TUT4: variants seen among roughly 807,000 people sequenced by gnomAD.
TUT4 encodes the protein terminal uridylyl transferase 4.
TUT4 carries 36 observed loss-of-function variants against 192.2 expected under a neutral mutation model. The ratio of observed to expected loss-of-function variants is 0.19; its 90% CI spans 0.14 to 0.25. The LOEUF (loss-of-function observed/expected upper bound fraction) is 0.25. TUT4 is among the 10% of genes least tolerant of loss of function. The probability of loss-of-function intolerance (pLI) is 1.00; values close to 1 mark genes in which losing one functional copy is unlikely to be tolerated. For missense variants in TUT4, 1,493 were observed against 1,957.2 expected, an observed-to-expected ratio of 0.76 and a Z score of 4.47; for synonymous variants, 618 against 666.0, an observed-to-expected ratio of 0.93 and a Z score of 1.11.
intron 1 of TUT4, among the ~76,000 whole-genome samples, chr1:52,539,654 G>A (rs907646801): frequency 2.0e-5 from 3 of 152,112 alleles, no homozygotes; most frequent in Non-Finnish European, 1.5e-5. Context: ...ACTTTGGGAG[G>A]CCGAGGCGGC....
chr1:52,528,158 G>A (rs1682329022), intron 1 of TUT4, among the ~76,000 whole-genome samples: 1 of 149,910 alleles, frequency 6.7e-6, no homozygotes, highest in African/African-American at 2.5e-5. Flanking sequence ...CAGCCTGGGT[G>A]ACAGAGCAAG....
At chr1:52,543,015 A>G (rs1687137287) in intron 1 of TUT4, among the ~76,000 whole-genome samples, 2 of 152,124 alleles carry the variant, frequency 1.3e-5, no homozygotes, top group Non-Finnish European at 2.9e-5. Flanking sequence ...TCAGCCTCCC[A>G]AAGTGCTGGG....
chr1:52,547,880 G>C (rs1423845846), intron 1 of TUT4, among the ~76,000 whole-genome samples: 1 of 152,156 alleles, frequency 6.6e-6, no homozygotes, highest in East Asian at 1.9e-4. Flanking sequence ...TTGTTAATGG[G>C]AACTGGGTTT....
At chr1:52,496,111 T>G (rs753433904) in intron 5 of TUT4, among the ~76,000 whole-genome samples, 96 of 152,140 alleles carry the variant, frequency 6.3e-4, no homozygotes, top group Non-Finnish European at 1.2e-3. Flanking sequence ...TAAAAGGATC[T>G]CACCAGAGGC....
chr1:52,426,980 TAAC>T (rs1352830416), intron 28 of TUT4, among the ~76,000 whole-genome samples: 2 of 152,172 alleles, frequency 1.3e-5, no homozygotes, highest in African/African-American at 2.4e-5. Flanking sequence ...GTAGCTTTAA[TAAC>T]AATTATGAAT....
intron 1 of TUT4, among the ~76,000 whole-genome samples, chr1:52,535,460 C>T (rs1684654946): frequency 6.6e-6 from 1 of 152,146 alleles, no homozygotes; most frequent in Non-Finnish European, 1.5e-5. Context: ...ATTCAGAACA[C>T]TAAAATTCTT....
chr1:52,485,372 A>G (rs1000218100), intron 9 of TUT4, among the ~76,000 whole-genome samples: 1 of 152,130 alleles, frequency 6.6e-6, no homozygotes, highest in African/African-American at 2.4e-5. Flanking sequence ...GTTTTTTACT[A>G]GGGTTTTCTA....
chr1:52,443,590 C>CA (rs200186145), intron 24 of TUT4, among the ~76,000 whole-genome samples: 76 of 144,652 alleles, frequency 5.3e-4, no homozygotes, highest in South Asian at 1.5e-3. Context: ...AACTCCGTCT[C>CA]AAAAAAAAAA....
Position 52,469,458 on chromosome 1 carries a change from G to C in TUT4, c.2879-1191C>G, listed in dbSNP as rs187774687. Among the ~76,000 whole-genome samples, 35 of 152,228 alleles carry C rather than the reference G, an allele frequency of 2.3e-4. 1 individual carries two copies. The highest frequency in any genetic ancestry group is 5.9e-5 in the Non-Finnish European group (4 of 68,014). On this transcript the variant is annotated intron_variant, in intron 14 of 29. Coordinates refer to ENST00000257177, the MANE Select transcript of TUT4 (RefSeq NM_001009881.3). ...ACTGCTATACATATGTACTAAAATG[G>C]AACAATTTAAAAAATGAATAATAGA...
At chr1:52,530,061 T>C (rs1454711964) in intron 1 of TUT4, among the ~76,000 whole-genome samples, 1 of 152,158 alleles carries the variant, frequency 6.6e-6, no homozygotes, top group Non-Finnish European at 1.5e-5. Context: ...CAGGCTGGTT[T>C]CGAAGCCCTG....
chr1:52,475,593 G>A lies in TUT4; in HGVS notation c.2024-58C>T, dbSNP rs545731443. On this transcript the variant is annotated intron_variant, in intron 12 of 29. Transcript: ENST00000257177. Reference sequence around the variant, plus strand: ...CTCTACTAACAAACTACATTTCCAAGCTCATACAAGTAGATCTTAACTGAT... The same window carrying A: ...CTCTACTAACAAACTACATTTCCAAACTCATACAAGTAGATCTTAACTGAT... 3.6e-4 allele frequency: 515 copies of A among 1,430,886 alleles called. 2 individuals are homozygous for A. Among genetic ancestry groups the A allele is most frequent in the Middle Eastern group, 2.3e-3 (13 of 5,624 alleles). The allele number at this position is 1,430,886 out of a possible 1,614,324, so 88.6% of individuals were successfully genotyped here.
intron 1 of TUT4, among the ~76,000 whole-genome samples, chr1:52,531,885 CTTTTTTTTTT>C (rs1158088077): frequency 0.046 from 3,687 of 80,860 alleles, 181 homozygotes; most frequent in African/African-American, 0.2. Flanking sequence ...CTTTTCTCAT[CTTTTTTTTTT>C]TTTTTTTTTT....
At chr1:52,440,235 A>T (rs906778871) in intron 24 of TUT4, among the ~76,000 whole-genome samples, 4 of 152,136 alleles carry the variant, frequency 2.6e-5, no homozygotes, top group Non-Finnish European at 4.4e-5. Flanking sequence ...ATTAAAAACC[A>T]CTGAATTGCA....
intron 19 of TUT4, among the ~76,000 whole-genome samples, chr1:52,459,971 A>G (rs1662119778): frequency 6.6e-6 from 1 of 152,166 alleles, no homozygotes; most frequent in African/African-American, 2.4e-5. Flanking sequence ...AAGAATCTTC[A>G]GAGACTTCTT....
chr1:52,465,747 A>G (rs889078239), intron 15 of TUT4, among the ~76,000 whole-genome samples: 6 of 152,254 alleles, frequency 3.9e-5, no homozygotes, highest in African/African-American at 1.2e-4. Flanking sequence ...TCTTCCAAAA[A>G]TGAGTGATTA....
At chr1:52,451,799 C>T (rs906423984) in intron 20 of TUT4, among the ~76,000 whole-genome samples, 2 of 150,684 alleles carry the variant, frequency 1.3e-5, no homozygotes, top group African/African-American at 2.4e-5. Context: ...GCCGAGATCA[C>T]GCCACTGTAC....
intron 16 of TUT4, chr1:52,463,793 G>A (rs551512397): frequency 7.7e-7 from 1 of 1,303,908 alleles, no homozygotes; most frequent in African/African-American, 1.5e-5. Context: ...ATACAAAAAA[G>A]GAAAGCGTAA....
In TUT4 at chr1:52,464,903, T is replaced by A. The variant is rs575443233; in HGVS notation, c.3069+167A>T. On this transcript the variant is annotated intron_variant, in intron 16 of 29. Transcript: ENST00000257177. Reference sequence around the variant, plus strand: ...AACACTTTTACTTAAGAGTTCAATGTCTTCTAAACTGAAAATGCTACTGTT... The same window carrying A: ...AACACTTTTACTTAAGAGTTCAATGACTTCTAAACTGAAAATGCTACTGTT... 72 of 456,246 alleles carry A rather than the reference T, an allele frequency of 1.6e-4. 1 individual carries two copies. The South Asian group carries it at 4.4e-3, about 28-fold the overall frequency. The allele number at this position is 456,246 out of a possible 1,614,324, so 28.3% of individuals were successfully genotyped here.
Position 52,436,841 on chromosome 1 carries a change from C to T in TUT4, c.4076G>A (p.Arg1359Lys), listed in dbSNP as rs374452717. The change falls in exon 26 of 30, where the codon AGA (arginine) becomes AAA (lysine). Residue 1359 changes from arginine (R) to lysine (K), a missense_variant. Coordinates refer to ENST00000257177, the MANE Select transcript of TUT4 (RefSeq NM_001009881.3). The part of the protein sequence containing the change: ...TRDFRDPRDL[R>K]CFICGDAGHV... The stretch of plus-strand genomic sequence containing the variant: ...TCCAGCATCTCCACATATAAAACAT[C>T]TGAGGTCTCTCGGGTCTCTAAAGTC... 2.0e-5 allele frequency: 33 copies of T among 1,613,846 alleles called. No individual in the cohort carries two copies. The highest frequency in any genetic ancestry group is 2.5e-5 in the Non-Finnish European group (29 of 1,180,012).
Sources: allele counts gnomAD v4.1 joint callset (sites outside exome capture counted in the v4.1 genomes callset), GRCh38; gene constraint gnomAD v4.1.1; transcripts MANE v1.5; gene names NCBI Gene and HGNC (gene_info 2026-07-23, HGNC 2026-07-21).